Variants in PID1 observed in about 807,000 individuals in gnomAD.
PID1 encodes phosphotyrosine interaction domain containing 1, also known as PTB-containing, cubilin and LRP1-interacting protein.
Under a neutral mutation model 19.1 loss-of-function variants are expected in PID1, and 10 were observed. That is an observed-to-expected ratio of 0.52 (90% CI 0.32 to 0.89). The LOEUF (loss-of-function observed/expected upper bound fraction) is 0.89, where lower values mean the gene tolerates loss of function less well. Ranked by LOEUF, PID1 falls within the 40% of genes least tolerant of loss-of-function variation. PID1 has a pLI of 0.03. For missense variants in PID1, 248 were observed against 285.3 expected (o/e 0.87, Z 0.94); for synonymous variants, 130 against 116.0 (o/e 1.12, Z -0.78).
In PID1 at chr2:229,209,001, T is replaced by C. The variant is rs146252124; in HGVS notation, c.31-53037A>G. 4.9e-4 allele frequency among the ~76,000 whole-genome samples: 75 copies of C among 152,110 alleles called. No individual in the cohort carries two copies. In the East Asian group the frequency reaches 0.012, roughly 25 times the overall value. On this transcript the variant is annotated intron_variant, in intron 1 of 2. Transcript: ENST00000392055. The stretch of plus-strand genomic sequence containing the variant: ...CCAGAACTGTGGCAAACAAAAGAAG[T>C]GCATGCTCCCTTTGAAGGTAGAGTT...
In PID1 at chr2:229,024,274, T is replaced by A. The variant is rs1467455551; in HGVS notation, c.*1358A>T. The A allele has an allele frequency of 6.6e-6, 1 of 152,568 alleles. No homozygotes were observed. Among genetic ancestry groups the A allele is most frequent in the Non-Finnish European group, 1.5e-5 (1 of 68,050 alleles). The allele number at this position is 152,568 out of a possible 1,614,324, so 9.5% of individuals were successfully genotyped here. ...GGCTTCTTAGGTGCCGCAGTGCCCC[T>A]AATATTACCAGGATTGAAAACAGAC... is the stretch of plus-strand genomic sequence containing the variant. On this transcript the variant is annotated 3_prime_UTR_variant, in exon 3 of 3. Transcript: ENST00000392055.
intron 2 of PID1, among the ~76,000 whole-genome samples, chr2:229,057,303 C>T (rs1157418674): frequency 2.0e-5 from 3 of 151,540 alleles, no homozygotes; most frequent in African/African-American, 4.8e-5. Context: ...TGGGCACGAT[C>T]GTGGGTGCCT....
intron 2 of PID1, among the ~76,000 whole-genome samples, chr2:229,102,660 T>C (rs1325729903): frequency 5.3e-5 from 8 of 152,218 alleles, no homozygotes; most frequent in Admixed American, 5.2e-4. Flanking sequence ...GGGCTCATTC[T>C]CATCAAATCC....
At chr2:229,028,567 C>G (rs572516748) in intron 2 of PID1, among the ~76,000 whole-genome samples, 1 of 152,072 alleles carries the variant, frequency 6.6e-6, no homozygotes, top group South Asian at 2.1e-4. Flanking sequence ...ATACAGAACA[C>G]CTAAAAGTCA....
In PID1 at chr2:229,139,035, GAA is replaced by G. The variant is rs1559251341; in HGVS notation, c.177+16781_177+16782del. On this transcript the variant is annotated intron_variant, in intron 2 of 2. Transcript: ENST00000392055. ...AGAAAGAAAGAAAGAAAGAAAGAAAGAAAGAGAAAGAAAGAAAGAAAGAGAAA... is the reference window on the plus strand; with the variant it reads ...AGAAAGAAAGAAAGAAAGAAAGAAAGAGAGAAAGAAAGAAAGAAAGAGAAA... Among the ~76,000 whole-genome samples, 24 of 59,610 alleles carry G rather than the reference GAA, an allele frequency of 4.0e-4. 1 individual carries two copies. Among genetic ancestry groups the G allele is most frequent in the Admixed American group, 9.5e-4 (6 of 6,330 alleles). 39.1% of individuals were successfully genotyped at this position (59,610 alleles called of 152,430 possible). A position where few individuals can be genotyped will look rare whatever the true frequency, so the allele number is the denominator to read the frequency against.
chr2:229,045,324 A>G (rs1430965159), intron 2 of PID1, among the ~76,000 whole-genome samples: 1 of 152,246 alleles, frequency 6.6e-6, no homozygotes, highest in Non-Finnish European at 1.5e-5. Flanking sequence ...ATAAGTGATA[A>G]TAGTTGATTA....
chr2:229,168,470 T>TTCATCCC (rs1690646820), intron 1 of PID1, among the ~76,000 whole-genome samples: 1 of 152,194 alleles, frequency 6.6e-6, no homozygotes, highest in Non-Finnish European at 1.5e-5. Context: ...AAAGGCCTTC[T>TTCATCCC]TCATCCCTTT....
At chr2:229,073,074 G>A (rs148621531) in intron 2 of PID1, among the ~76,000 whole-genome samples, 5,061 of 152,294 alleles carry the variant, frequency 0.033, 117 homozygotes, top group South Asian at 0.05. Flanking sequence ...CACCCAGGCT[G>A]GAGTGCAGTG....
intron 2 of PID1, among the ~76,000 whole-genome samples, chr2:229,045,288 T>A (rs1385187647): frequency 6.6e-6 from 1 of 152,236 alleles, no homozygotes; most frequent in Admixed American, 6.5e-5. Flanking sequence ...AGTTTATTTT[T>A]CTTTTGGATG....
intron 2 of PID1, among the ~76,000 whole-genome samples, chr2:229,087,350 T>C (rs540790129): frequency 2.6e-5 from 4 of 152,268 alleles, no homozygotes; most frequent in South Asian, 2.1e-4. Flanking sequence ...AGAGTACTTG[T>C]GGGATTCCAG....
intron 1 of PID1, among the ~76,000 whole-genome samples, chr2:229,165,321 CGGGCATGGTGGCTCATGCCTGTA>C (rs1413808279): frequency 6.6e-6 from 1 of 152,120 alleles, no homozygotes; most frequent in East Asian, 1.9e-4. Flanking sequence ...CAGACAAGGC[CGGGCATGGTGGCTCATGCCTGTA>C]AACCCAGCAC....
intron 2 of PID1, among the ~76,000 whole-genome samples, chr2:229,072,727 C>T (rs1694482200): frequency 6.6e-6 from 1 of 152,084 alleles, no homozygotes; most frequent in Non-Finnish European, 1.5e-5. Context: ...GGCAGTTGTG[C>T]TTCGCTGTTT....
At chr2:229,263,063 A>G (rs1462185371) in intron 1 of PID1, among the ~76,000 whole-genome samples, 2 of 152,240 alleles carry the variant, frequency 1.3e-5, no homozygotes, top group Admixed American at 6.5e-5. Flanking sequence ...AACCTTCAAC[A>G]ATGAATAACA....
intron 2 of PID1, among the ~76,000 whole-genome samples, chr2:229,044,863 C>T (rs1053583389): frequency 3.3e-5 from 5 of 152,058 alleles, no homozygotes; most frequent in Non-Finnish European, 5.9e-5. Flanking sequence ...TAAAGACTAA[C>T]GAATAAAAAA....
chr2:229,266,370 G>T (rs908105897), intron 1 of PID1, among the ~76,000 whole-genome samples: 1 of 149,088 alleles, frequency 6.7e-6, no homozygotes, highest in African/African-American at 2.6e-5. Flanking sequence ...TGCTTCAGCT[G>T]AAAAGCTCTT....
intron 1 of PID1, among the ~76,000 whole-genome samples, chr2:229,201,544 G>A (rs1197918987): frequency 1.3e-5 from 2 of 152,046 alleles, no homozygotes; most frequent in East Asian, 3.9e-4. Flanking sequence ...CACCTGGGTT[G>A]CTTCCATGCT....
chr2:229,094,534 G>T (rs1412576353), intron 2 of PID1, among the ~76,000 whole-genome samples: 1 of 151,874 alleles, frequency 6.6e-6, no homozygotes, highest in East Asian at 1.9e-4. Context: ...GCCTGACTTC[G>T]AATTATACTA....
chr2:229,227,357 T>C (rs1049276853), intron 1 of PID1, among the ~76,000 whole-genome samples: 2 of 152,244 alleles, frequency 1.3e-5, no homozygotes, highest in African/African-American at 2.4e-5. Flanking sequence ...GTGCGGATTA[T>C]TGAACATTTT....
chr2:229,058,654 G>A (rs1402153284), intron 2 of PID1, among the ~76,000 whole-genome samples: 1 of 147,644 alleles, frequency 6.8e-6, no homozygotes, highest in Non-Finnish European at 1.5e-5. Flanking sequence ...AAAGAAACTT[G>A]ATAAGAATGC....
Sources: gnomAD v4.1 joint callset for allele counts (sites outside exome capture counted in the v4.1 genomes callset) on GRCh38, gnomAD v4.1.1 for gene constraint, MANE v1.5 for transcripts, NCBI Gene and HGNC (gene_info 2026-07-23, HGNC 2026-07-21) for gene names.